VPS13B: variants seen among roughly 807,000 people sequenced by gnomAD.
VPS13B encodes the protein intermembrane lipid transfer protein VPS13B.
In VPS13B, 285 loss-of-function variants were observed where a neutral mutation model predicts 426.4. That is an observed-to-expected ratio of 0.67 (90% CI 0.61 to 0.74). VPS13B has a LOEUF of 0.74. Ranked by LOEUF, VPS13B falls within the 30% of genes least tolerant of loss-of-function variation. The pLI, the probability that VPS13B is intolerant of heterozygous loss-of-function variation, is 0.00. For synonymous variants in VPS13B, 1,676 were observed against 1,676.4 expected, an observed-to-expected ratio of 1.00 and a Z score of 0.01; for missense variants, 4,537 against 4,782.6, an observed-to-expected ratio of 0.95 and a Z score of 1.51.
intron 33 of VPS13B, among the ~76,000 whole-genome samples, chr8:99,638,757 T>G (rs1030273677): frequency 1.3e-5 from 2 of 152,208 alleles, no homozygotes; most frequent in African/African-American, 4.8e-5. Context: ...TGAATGACTA[T>G]GTCTGGGGAA....
Position 99,806,275 on chromosome 8 carries a change from G to C in VPS13B, c.7942-3100G>C, listed in dbSNP as rs1180402869. On this transcript the variant is annotated intron_variant, in intron 43 of 61. Coordinates refer to ENST00000357162, the MANE Select transcript of VPS13B (RefSeq NM_152564.5). ...CACGTTCCCTTTTCTCTCGCCAGTT[G>C]AGATGGTTAACCTTGTCCCGAGCAT... 4.6e-5 allele frequency among the ~76,000 whole-genome samples: 7 copies of C among 152,306 alleles called. No homozygotes were observed. The South Asian group carries it at 6.2e-4, about 14-fold the overall frequency.
At chr8:99,418,515 CCTTTCTTTCT>C (rs1816188105) in intron 21 of VPS13B, among the ~76,000 whole-genome samples, 1 of 82,164 alleles carries the variant, frequency 1.2e-5, no homozygotes, top group African/African-American at 4.9e-5. Flanking sequence ...TTCTTTCTTT[CCTTTCTTTCT>C]TTCTCTTTCT....
intron 31 of VPS13B, among the ~76,000 whole-genome samples, chr8:99,565,951 T>C (rs113415345): frequency 1.5e-3 from 229 of 152,276 alleles, no homozygotes; most frequent in African/African-American, 5.1e-3. Context: ...ATGATATGAT[T>C]TTATAATTTC....
chr8:99,713,119 A>G (rs1307064840), intron 36 of VPS13B, among the ~76,000 whole-genome samples: 1 of 152,244 alleles, frequency 6.6e-6, no homozygotes, highest in African/African-American at 2.4e-5. Context: ...GATACCTAAC[A>G]TGATCCAAAT....
rs532297738 is a variant in VPS13B at position 99,717,272 on chromosome 8, A to G, written c.6556A>G (p.Thr2186Ala). The G allele has an allele frequency of 4.3e-6, 7 of 1,614,094 alleles. No homozygotes were observed. The South Asian group carries it at 5.5e-5, about 13-fold the overall frequency. The change falls in exon 37 of 62, where the codon ACT becomes GCT. Residue 2186 changes from threonine (T) to alanine (A), a missense_variant. Physicochemically the swap from Thr to Ala is moderately conservative, Grantham distance 58. Transcript: ENST00000357162. ...SRILIGPCCATANLEAKWCKH... is the reference protein window; with the variant it reads ...SRILIGPCCAAANLEAKWCKH... ...CATTCTGATAGGACCATGTTGTGCT[A>G]CTGCCAATCTGGAAGCTAAGTGGTG...
chr8:99,233,381 C>T, intron 17 of VPS13B: 1 of 1,073,898 alleles, frequency 9.3e-7, no homozygotes, highest in Non-Finnish European at 1.5e-6. Flanking sequence ...AAGATCCGTC[C>T]CTGGGCCTTG....
At chr8:99,634,179 G>T (rs956014096) in intron 33 of VPS13B, among the ~76,000 whole-genome samples, 3 of 151,888 alleles carry the variant, frequency 2.0e-5, no homozygotes, top group African/African-American at 7.2e-5. Context: ...GGAAGGTTTT[G>T]AACTTACCTA....
Position 99,121,110 on chromosome 8 carries a change from T to A in VPS13B, c.938-67T>A, listed in dbSNP as rs1008204492. On this transcript the variant is annotated intron_variant, in intron 7 of 61. Coordinates refer to ENST00000357162, the MANE Select transcript of VPS13B (RefSeq NM_152564.5). ...ATATGGGAGGAAAAATTTTAAAGGA[T>A]GTCTATTTCTATTCTCTTAGTTAAA... 6.1e-6 allele frequency: 9 copies of A among 1,482,822 alleles called. No individual in the cohort carries two copies. In the Admixed American group the frequency reaches 1.3e-4, roughly 21 times the overall value. The allele number at this position is 1,482,822 out of a possible 1,614,324, so 91.9% of individuals were successfully genotyped here.
At position 99,830,095 on chromosome 8, in the gene VPS13B, G is replaced by C. The variant is rs563645046; in HGVS notation, c.9331-2274G>C. Reference sequence around the variant, plus strand: ...CGGGGGTCAGGGACCCACTTGAGGAGGCAGTCTGTCCCTTAGCAGAGCTTC... The same window carrying C: ...CGGGGGTCAGGGACCCACTTGAGGACGCAGTCTGTCCCTTAGCAGAGCTTC... On this transcript the variant is annotated intron_variant, in intron 51 of 61. Coordinates refer to ENST00000357162, the MANE Select transcript of VPS13B (RefSeq NM_152564.5). 6.6e-5 allele frequency among the ~76,000 whole-genome samples: 10 copies of C among 152,352 alleles called. No individual in the cohort carries two copies. In the South Asian group the frequency reaches 2.1e-3, roughly 32 times the overall value.
In VPS13B at chr8:99,467,651, T is replaced by C; in HGVS notation, c.3666+17T>C. ...AATCCCCAGGTTGGTACATTTGATT[T>C]ATGAAAGGAAATTTAAAGTAATGTG... On this transcript the variant is annotated intron_variant, in intron 24 of 61. Coordinates refer to ENST00000357162, the MANE Select transcript of VPS13B (RefSeq NM_152564.5). 6.2e-7 allele frequency: 1 copy of C among 1,610,930 alleles called. No homozygotes were observed. Among genetic ancestry groups the C allele is most frequent in the Non-Finnish European group, 8.5e-7 (1 of 1,177,370 alleles).
Position 99,575,751 on chromosome 8 carries a change from C to T in VPS13B, c.5043C>T (p.Thr1681=). 7 of 1,613,636 alleles carry T rather than the reference C, an allele frequency of 4.3e-6. No homozygotes were observed. The highest frequency in any genetic ancestry group is 5.1e-6 in the Non-Finnish European group (6 of 1,179,818). ...CTGGAGCACCTGCTGTCATTTTCAC[C>T]AAAGTAGTTTCTCCAGAAAATTTGC... ...RITGAPAVIF[T]KVVSPENLHT... Residue 1681 remains threonine (T), a synonymous_variant, in exon 32 of 62, where the codon ACC becomes ACT. Transcript: ENST00000357162.
At chr8:99,594,202 A>G (rs1826871053) in intron 33 of VPS13B, among the ~76,000 whole-genome samples, 1 of 151,944 alleles carries the variant, frequency 6.6e-6, no homozygotes, top group South Asian at 2.1e-4. Context: ...ACATGTAAGA[A>G]AGAAAACATA....
intron 3 of VPS13B, among the ~76,000 whole-genome samples, chr8:99,061,284 G>A (rs918684658): frequency 7.0e-6 from 1 of 142,468 alleles, no homozygotes; most frequent in African/African-American, 2.6e-5. Context: ...ATGATTAGAT[G>A]CTGCTAATTT....
rs370251445 is a variant in VPS13B, at chr8:99,135,006, G to C, written c.1303-9G>C. ...ATTCTTAGTTCTAATGTTTCCTTTCGTCTTATAGGCCCTTATGATGGGAGA... is the reference window on the plus strand; with the variant it reads ...ATTCTTAGTTCTAATGTTTCCTTTCCTCTTATAGGCCCTTATGATGGGAGA... On this transcript the variant is annotated splice_polypyrimidine_tract_variant and intron_variant, in intron 9 of 61. Transcript: ENST00000357162. The C allele has an allele frequency of 6.2e-7, 1 of 1,613,130 alleles. No homozygotes were observed. Among genetic ancestry groups the C allele is most frequent in the Non-Finnish European group, 8.5e-7 (1 of 1,179,408 alleles).
At chr8:99,360,618 C>G (rs1812510109) in intron 19 of VPS13B, among the ~76,000 whole-genome samples, 1 of 152,004 alleles carries the variant, frequency 6.6e-6, no homozygotes, top group Non-Finnish European at 1.5e-5. Context: ...GAAGATACAA[C>G]AAAATACGAC....
At chr8:99,203,683 A>G (rs1056112849) in intron 17 of VPS13B, among the ~76,000 whole-genome samples, 2 of 152,212 alleles carry the variant, frequency 1.3e-5, no homozygotes, top group East Asian at 1.9e-4. Flanking sequence ...TACAAAATCA[A>G]TGTGGAAAAA....
intron 19 of VPS13B, chr8:99,340,551 C>A: frequency 2.1e-6 from 1 of 468,862 alleles, no homozygotes; most frequent in South Asian, 1.7e-5. Context: ...GGTGTCTGGT[C>A]ACCTGGGTGG....
At chr8:99,537,680 G>A (rs979753364) in intron 30 of VPS13B, among the ~76,000 whole-genome samples, 1 of 152,192 alleles carries the variant, frequency 6.6e-6, no homozygotes, top group African/African-American at 2.4e-5. Context: ...CAAAGGATAA[G>A]TAGAGTGTTT....
At chr8:99,255,935 G>C (rs1373646890) in intron 17 of VPS13B, among the ~76,000 whole-genome samples, 1 of 152,146 alleles carries the variant, frequency 6.6e-6, no homozygotes, top group Admixed American at 6.5e-5. Context: ...GGATGTTGGG[G>C]TTCATGTTAG....
Sources: gnomAD v4.1 joint callset for allele counts (sites outside exome capture counted in the v4.1 genomes callset) on GRCh38, gnomAD v4.1.1 for gene constraint, MANE v1.5 for transcripts, NCBI Gene and HGNC (gene_info 2026-07-23, HGNC 2026-07-21) for gene names.